The following DMBT1 variants were observed in gnomAD, a reference collection of about 807,000 sequenced individuals.
DMBT1 encodes the protein scavenger receptor cysteine-rich domain-containing protein DMBT1.
A neutral mutation model predicts 252.9 loss-of-function variants in DMBT1; 198 were observed. The ratio of observed to expected loss-of-function variants is 0.78; its 90% CI spans 0.70 to 0.88. DMBT1 has a LOEUF of 0.88. Among genes scored for constraint, DMBT1 ranks in the 40% least tolerant of loss-of-function variants. DMBT1 has a pLI of 0.00. For missense variants in DMBT1, 2,432 were observed against 2,404.7 expected (o/e 1.01, Z -0.24); for synonymous variants, 990 against 942.7 (o/e 1.05, Z -0.92).
chr10:122,586,301 G>T lies in DMBT1; in HGVS notation c.1701G>T (p.Glu567Asp). Residue 567 changes from glutamate (E) to aspartate (D), a missense_variant, in exon 16 of 56, where the codon GAG (glutamate) becomes GAT (aspartate). Transcript: ENST00000338354. ...VLDDVRCSGN[E>D]SYLWSCPHNG... ...ATGACGTGCGCTGCTCAGGGAATGAGTCCTACTTGTGGAGCTGCCCCCACA... is the reference window on the plus strand; with the variant it reads ...ATGACGTGCGCTGCTCAGGGAATGATTCCTACTTGTGGAGCTGCCCCCACA... The T allele has an allele frequency of 6.3e-7, 1 of 1,588,740 alleles. No homozygotes were observed. Among genetic ancestry groups the T allele is most frequent in the Non-Finnish European group, 8.6e-7 (1 of 1,165,884 alleles).
chr10:122,619,162 G>A, intron 41 of DMBT1, 146 bp from the exon 42 acceptor site: 1 of 1,052,820 alleles, frequency 9.5e-7, no homozygotes, highest in East Asian at 2.4e-5. Flanking sequence ...ATCTCTGTGG[G>A]AATTTACATG....
Position 122,586,242 on chromosome 10 carries a change from C to A in DMBT1, c.1642C>A (p.Arg548=). 6.3e-7 allele frequency: 1 copy of A among 1,588,780 alleles called. No homozygotes were observed. Among genetic ancestry groups the A allele is most frequent in the South Asian group, 1.1e-5 (1 of 86,982 alleles). The change falls in exon 16 of 56, where the codon CGG becomes AGG. Residue 548 remains arginine, a synonymous_variant. Coordinates refer to ENST00000338354, the MANE Select transcript of DMBT1 (RefSeq NM_001377530.1). ...GGCCATGTTGGCCCCAGGAAATGCC[C>A]GGTTTGGTCAGGGCTCAGGACCCAT... ...GWAMLAPGNA[R]FGQGSGPIVL...
chr10:122,631,771 A>G (rs2098167106), intron 49 of DMBT1, 84 bp from the exon 50 acceptor site: 5 of 1,497,082 alleles, frequency 3.3e-6, no homozygotes, highest in African/African-American at 1.4e-5. Flanking sequence ...GTTATGGGCC[A>G]TGTAAGTGTA....
rs746692138 is a variant in DMBT1, at chr10:122,576,519, A to T, written c.404A>T (p.Asp135Val). ...TGTGATGACAGCTGGGACACCAATG[A>T]TGCCAACGTGGTCTGTAGGCAGCTG... ...TVCDDSWDTN[D>V]ANVVCRQLGC... Residue 135 changes from aspartate to valine, a missense_variant, in exon 7 of 56, where the codon GAT (aspartate) becomes GTT (valine). Asp to Val is a radical substitution (Grantham distance 152). This residue lies in a region of DMBT1 where 1,264 missense variants were observed against 1,082.2 expected (regional missense o/e 1.17). Coordinates refer to ENST00000338354, the MANE Select transcript of DMBT1 (RefSeq NM_001377530.1). 1 of 1,613,978 alleles carries T rather than the reference A, an allele frequency of 6.2e-7. No individual in the cohort carries two copies. The highest frequency in any genetic ancestry group is 2.2e-5 in the East Asian group (1 of 44,884).
In DMBT1 at chr10:122,625,315, A is replaced by G. The variant is rs751666952; in HGVS notation, c.5635+12A>G. 4 of 1,608,920 alleles carry G rather than the reference A, an allele frequency of 2.5e-6. No homozygotes were observed. In the East Asian group the frequency reaches 8.9e-5, roughly 36 times the overall value. Reference sequence around the variant, plus strand: ...TTCTACTACGACAGGTGAGTCTGCTACACCCCAGTCCAGCAATATTTCTCT... The same window carrying G: ...TTCTACTACGACAGGTGAGTCTGCTGCACCCCAGTCCAGCAATATTTCTCT... On this transcript the variant is annotated intron_variant, in intron 45 of 55. Transcript: ENST00000338354.
chr10:122,566,107 T>C (rs913778002), intron 2 of DMBT1, 111 bp downstream of exon 2: 3 of 1,197,510 alleles, frequency 2.5e-6, no homozygotes, highest in Non-Finnish European at 3.7e-6. Context: ...AACGCCTGCC[T>C]TGTCGAATGC....
chr10:122,631,932 C>T, intron 50 of DMBT1, 57 bp downstream of exon 50: 1 of 1,569,134 alleles, frequency 6.4e-7, no homozygotes, highest in South Asian at 1.1e-5. Flanking sequence ...TCCATTACTG[C>T]TGCCTAGACT....
chr10:122,638,272 C>T lies in DMBT1; in HGVS notation c.6942+960C>T, dbSNP rs753722065. 1.2e-3 allele frequency among the ~76,000 whole-genome samples: 182 copies of T among 152,092 alleles called. 2 individuals are homozygous for T. Among genetic ancestry groups the T allele is most frequent in the Admixed American group, 6.5e-4 (10 of 15,276 alleles). Reference sequence around the variant, plus strand: ...AGCCTGGAGACTCCCTGAGCGGCCCCGCTGAGGGCCCTTCACACCCATTCA... The same window carrying T: ...AGCCTGGAGACTCCCTGAGCGGCCCTGCTGAGGGCCCTTCACACCCATTCA... On this transcript the variant is annotated intron_variant, in intron 54 of 55. Coordinates refer to ENST00000338354, the MANE Select transcript of DMBT1 (RefSeq NM_001377530.1).
At chr10:122,638,467 T>C (rs545143756) in intron 54 of DMBT1, among the ~76,000 whole-genome samples, 1 of 152,246 alleles carries the variant, frequency 6.6e-6, no homozygotes, top group Non-Finnish European at 1.5e-5. Context: ...TGACAGGTTC[T>C]CATTCTGTTG....
chr10:122,576,637 C>T lies in DMBT1; in HGVS notation c.522C>T (p.His174=), dbSNP rs200275337. The stretch of plus-strand genomic sequence containing the variant: ...TGGATGATGTGCGCTGCTCAGGACA[C>T]GAATCCTACCTGTGGAGCTGCCCCC... ...IALDDVRCSG[H]ESYLWSCPHN... The change falls in exon 7 of 56, where the codon CAC becomes CAT. Residue 174 remains histidine, a synonymous_variant. Coordinates refer to ENST00000338354, the MANE Select transcript of DMBT1 (RefSeq NM_001377530.1). 271 of 1,613,708 alleles carry T rather than the reference C, an allele frequency of 1.7e-4. 1 individual carries two copies. Among genetic ancestry groups the T allele is most frequent in the Middle Eastern group, 4.9e-4 (3 of 6,078 alleles).
At chr10:122,617,779 A>C (rs1421759162) in intron 40 of DMBT1, among the ~76,000 whole-genome samples, 2 of 151,482 alleles carry the variant, frequency 1.3e-5, no homozygotes, top group Non-Finnish European at 2.9e-5. Flanking sequence ...CATTCCTGTC[A>C]CTTCCAGTGG....
At chr10:122,587,366 C>G (rs1297358957) in intron 16 of DMBT1, among the ~76,000 whole-genome samples, 2 of 148,510 alleles carry the variant, frequency 1.3e-5, no homozygotes, top group Non-Finnish European at 3.0e-5. Flanking sequence ...CCATATCTGA[C>G]CTGGGTTTTG....
chr10:122,632,810 T>C, intron 50 of DMBT1, 51 bp from the exon 51 acceptor site: 1 of 1,605,252 alleles, frequency 6.2e-7, no homozygotes. Flanking sequence ...AGTCGACAGC[T>C]GTGTCAGGGA....
chr10:122,598,107 C>T lies in DMBT1; in HGVS notation c.2956+95C>T, dbSNP rs1268446640. ...ATAGGATGAGGGTCAAGGTGGGCCC[C>T]TCTCTTTTTCATGTCCCTGTGGGTT... is the stretch of plus-strand genomic sequence containing the variant. On this transcript the variant is annotated intron_variant, in intron 25 of 55. Coordinates refer to ENST00000338354, the MANE Select transcript of DMBT1 (RefSeq NM_001377530.1). 11 of 1,569,010 alleles carry T rather than the reference C, an allele frequency of 7.0e-6. No individual in the cohort carries two copies. The East Asian group carries it at 1.8e-4, about 26-fold the overall frequency.
chr10:122,632,096 G>T (rs928362834), intron 50 of DMBT1, among the ~76,000 whole-genome samples: 2 of 152,008 alleles, frequency 1.3e-5, no homozygotes, highest in African/African-American at 4.8e-5. Context: ...AGTCAGTCCC[G>T]AGGTGAGGCC....
chr10:122,573,649 G>A, intron 5 of DMBT1, 66 bp from the exon 6 acceptor site: 1 of 1,587,170 alleles, frequency 6.3e-7, no homozygotes, highest in South Asian at 1.1e-5. Context: ...AGCTGAGCAA[G>A]CCCTGGACCA....
chr10:122,637,016 C>T, intron 53 of DMBT1, 112 bp from the exon 54 acceptor site: 1 of 999,078 alleles, frequency 1.0e-6, no homozygotes. Context: ...GCTGACCCTC[C>T]CTGTCAGCCA....
At chr10:122,575,534 G>T (rs1401286383) in intron 6 of DMBT1, among the ~76,000 whole-genome samples, 1 of 152,022 alleles carries the variant, frequency 6.6e-6, no homozygotes, top group Non-Finnish European at 1.5e-5. Context: ...GGGGGGGTGT[G>T]GTGGGGTTTG....
chr10:122,592,509 A>G lies in DMBT1; in HGVS notation c.2414A>G (p.His805Arg), dbSNP rs868404208. 8.8e-6 allele frequency: 14 copies of G among 1,588,074 alleles called. No individual in the cohort carries two copies. In the African/African-American group the frequency reaches 9.4e-5, roughly 11 times the overall value. ...CTGGATGATGTGCGCTGCTCAGGAC[A>G]CGAGTCCTACCTGTGGAGCTGCCCC... Reference protein sequence around the residue: ...IVLDDVRCSGHESYLWSCPHN... With the variant: ...IVLDDVRCSGRESYLWSCPHN... Residue 805 changes from histidine to arginine, a missense_variant, in exon 20 of 56, where the codon CAC becomes CGC. His to Arg is a conservative substitution (Grantham distance 29). Around this residue, in one of 3 missense-constraint regions of DMBT1, gnomAD observed 1,264 missense variants for 1,082.2 expected, o/e 1.17. Transcript: ENST00000338354.
Sources: gnomAD v4.1 joint callset for allele counts (sites outside exome capture counted in the v4.1 genomes callset) on GRCh38, gnomAD v4.1.1 for gene constraint, gnomAD v4.1.1 regional missense constraint, MANE v1.5 for transcripts, NCBI Gene and HGNC (gene_info 2026-07-23, HGNC 2026-07-21) for gene names.